PCDH15: variants seen among roughly 807,000 people sequenced by gnomAD.
PCDH15 encodes protocadherin-15.
Under a neutral mutation model 178.5 loss-of-function variants are expected in PCDH15, and 129 were observed. The ratio of observed to expected loss-of-function variants is 0.72; its 90% confidence interval spans 0.63 to 0.84. The LOEUF is 0.84. PCDH15 is among the 40% of genes least tolerant of loss of function. The pLI is 0.00. For synonymous variants in PCDH15, 800 were observed against 732.0 expected (o/e 1.09, Z -1.50); for missense variants, 2,230 against 2,099.9 (o/e 1.06, Z -1.21).
At chr10:55,474,336 CA>C (rs1191605700) in intron 2 of PCDH15, among the ~76,000 whole-genome samples, 2 of 152,016 alleles carry the variant, frequency 1.3e-5, no homozygotes, top group Non-Finnish European at 2.9e-5. Context: ...ATTTTAATAA[CA>C]AAAAAACTTC....
chr10:55,323,220 C>T (rs1342818126), upstream of PCDH15, among the ~76,000 whole-genome samples: 1 of 152,174 alleles, frequency 6.6e-6, no homozygotes, highest in Admixed American at 6.5e-5. Flanking sequence ...CTTGTATGTC[C>T]AGGCTGAAGT....
At chr10:55,395,867 A>C (rs1588985105) in intron 2 of PCDH15, among the ~76,000 whole-genome samples, 1 of 152,244 alleles carries the variant, frequency 6.6e-6, no homozygotes, top group African/African-American at 2.4e-5. Context: ...AACATAAAAT[A>C]TAAAACAAAC....
intron 21 of PCDH15, among the ~76,000 whole-genome samples, chr10:53,972,347 C>T (rs1162653960): frequency 3.9e-5 from 6 of 152,072 alleles, no homozygotes; most frequent in Non-Finnish European, 7.3e-5. Flanking sequence ...AGAAAAAAAC[C>T]TAGGTAATAC....
In PCDH15 at chr10:54,356,961, C is replaced by T. The variant is rs564438818; in HGVS notation, c.475-10477G>A. On this transcript the variant is annotated intron_variant, in intron 5 of 37. Coordinates refer to ENST00000644397, the MANE Select transcript of PCDH15 (RefSeq NM_001384140.1). ...AAAGGCCTTTGACAAAATTCAACAA[C>T]CCTTCATGCTAAAAAATCTCAATAA... is the stretch of plus-strand genomic sequence containing the variant. Among the ~76,000 whole-genome samples the T allele has an allele frequency of 2.9e-4, 44 of 152,162 alleles. 1 individual carries two copies. Among genetic ancestry groups the T allele is most frequent in the African/African-American group, 6.7e-4 (28 of 41,508 alleles).
intron 3 of PCDH15, among the ~76,000 whole-genome samples, chr10:54,521,403 T>C (rs189601504): frequency 3.6e-4 from 55 of 152,270 alleles, no homozygotes; most frequent in African/African-American, 1.3e-3. Flanking sequence ...ACTCCTTGCC[T>C]GTCCCGAAGT....
At chr10:55,518,494 CAG>C (rs1386719682) in intron 2 of PCDH15, among the ~76,000 whole-genome samples, 5 of 151,860 alleles carry the variant, frequency 3.3e-5, no homozygotes, top group African/African-American at 1.2e-4. Flanking sequence ...ACAGAAAGAG[CAG>C]AGAGTAAAAC....
chr10:55,260,466 T>C (rs1842120043), intron 1 of PCDH15, among the ~76,000 whole-genome samples: 1 of 152,004 alleles, frequency 6.6e-6, no homozygotes, highest in East Asian at 1.9e-4. Flanking sequence ...TTTTCCAAAA[T>C]TGATTAAAAG....
chr10:55,262,086 GGAGGA>G (rs886794835), intron 1 of PCDH15, among the ~76,000 whole-genome samples: 1 of 84,846 alleles, frequency 1.2e-5, no homozygotes, highest in Non-Finnish European at 2.3e-5. Flanking sequence ...GGAAAGGAAA[GGAGGA>G]GAGGAGAGAA....
intron 10 of PCDH15, among the ~76,000 whole-genome samples, chr10:54,211,369 G>T (rs994867418): frequency 2.0e-4 from 31 of 152,098 alleles, no homozygotes; most frequent in African/African-American, 7.0e-4. Flanking sequence ...ATGCTTAAAT[G>T]ATTACAATTA....
chr10:54,122,032 C>CAG lies in PCDH15; in HGVS notation c.1917+10841_1917+10842dup, dbSNP rs1554799987. Among the ~76,000 whole-genome samples, 44 of 142,096 alleles carry CAG rather than the reference C, an allele frequency of 3.1e-4. No homozygotes were observed. In the South Asian group the frequency reaches 3.2e-3, roughly 10 times the overall value. 93.2% of individuals were successfully genotyped at this position (142,096 alleles called of 152,430 possible). Reference sequence around the variant, plus strand: ...ACACACACACACACACACACACACACAGAGACAGACACACACACACACACA... The same window carrying CAG: ...ACACACACACACACACACACACACACAGAGAGACAGACACACACACACACACA... On this transcript the variant is annotated intron_variant, in intron 15 of 37. Coordinates refer to ENST00000644397, the MANE Select transcript of PCDH15 (RefSeq NM_001384140.1).
Position 54,195,889 on chromosome 10 carries a change from C to G in PCDH15, c.1099G>C (p.Ala367Pro), listed in dbSNP as rs199537944. The G allele has an allele frequency of 7.4e-6, 12 of 1,612,638 alleles. No individual in the cohort carries two copies. The highest frequency in any genetic ancestry group is 1.0e-5 in the Non-Finnish European group (12 of 1,178,856). ...AGAGGATGACCATTGTCTTGTTCAG[C>G]CTAAAATTGAAAAGAAAAGAAAATA... ...FHQKFDLVIKAEQDNGHPLPA... is the reference protein window; with the variant it reads ...FHQKFDLVIKPEQDNGHPLPA... The change falls in exon 11 of 38, where the codon GCT becomes CCT. Residue 367 changes from alanine (A) to proline (P), a missense_variant and splice_region_variant. Physicochemically the swap from Ala to Pro is conservative, Grantham distance 27. Transcript: ENST00000644397.
intron 1 of PCDH15, among the ~76,000 whole-genome samples, chr10:55,302,315 AG>A (rs1331188623): frequency 6.6e-6 from 1 of 152,178 alleles, no homozygotes; most frequent in African/African-American, 2.4e-5. Flanking sequence ...ATGTTTTACT[AG>A]ATATTTCATT....
At chr10:53,968,623 C>T (rs1564887392) in intron 21 of PCDH15, among the ~76,000 whole-genome samples, 1 of 152,288 alleles carries the variant, frequency 6.6e-6, no homozygotes, top group South Asian at 2.1e-4. Context: ...ACTGACACCT[C>T]ATATAGCCGG....
intron 6 of PCDH15, among the ~76,000 whole-genome samples, chr10:54,332,296 A>ATATTATATATAAAATATAAT (rs1939854642): frequency 6.3e-5 from 5 of 79,340 alleles, no homozygotes; most frequent in Admixed American, 1.6e-4. Context: ...AATCTATATT[A>ATATTATATATAAAATATAAT]CATATTATTA....
intron 23 of PCDH15, 84 bp from the exon 24 acceptor site, chr10:53,941,059 GA>G: frequency 1.0e-6 from 1 of 965,000 alleles, no homozygotes; most frequent in Non-Finnish European, 1.6e-6. Flanking sequence ...TTGAGAGAAA[GA>G]TAAGAGATTT....
At chr10:55,068,079 T>C (rs569875231) in intron 2 of PCDH15, among the ~76,000 whole-genome samples, 1 of 152,114 alleles carries the variant, frequency 6.6e-6, no homozygotes, top group East Asian at 1.9e-4. Context: ...AGAATCTTTT[T>C]ACTGTAATGT....
chr10:54,456,562 T>C (rs2076835471), intron 3 of PCDH15, among the ~76,000 whole-genome samples: 2 of 152,196 alleles, frequency 1.3e-5, no homozygotes, highest in Admixed American at 1.3e-4. Flanking sequence ...TTGTCTCAGA[T>C]GAGACTTTGG....
At chr10:54,600,121 G>A (rs1211067410) in intron 2 of PCDH15, 7 of 864,598 alleles carry the variant, frequency 8.1e-6, no homozygotes, top group African/African-American at 1.7e-5. Flanking sequence ...ACCAATGGAT[G>A]TGCCAGAGAA....
intron 1 of PCDH15, among the ~76,000 whole-genome samples, chr10:54,705,876 G>A (rs1020869555): frequency 3.3e-5 from 5 of 152,106 alleles, no homozygotes; most frequent in African/African-American, 9.7e-5. Context: ...TCTGATGATG[G>A]ATTTTTTTCA....
Sources: allele counts gnomAD v4.1 joint callset (sites outside exome capture counted in the v4.1 genomes callset), GRCh38; gene constraint gnomAD v4.1.1; transcripts MANE v1.5; gene names NCBI Gene and HGNC (gene_info 2026-07-23, HGNC 2026-07-21).